WDR59: variants seen among roughly 807,000 people sequenced by gnomAD.
The protein encoded by WDR59 is WD repeat domain 59.
A neutral mutation model predicts 131.2 loss-of-function variants in WDR59; 100 were observed. That is an observed-to-expected ratio of 0.76 (90% CI 0.65 to 0.90). The LOEUF (loss-of-function observed/expected upper bound fraction) is 0.90, where lower values mean the gene tolerates loss of function less well. Ranked by LOEUF, WDR59 falls within the 40% of genes least tolerant of loss-of-function variation. The probability of loss-of-function intolerance (pLI) is 0.00; values close to 1 mark genes in which losing one functional copy is unlikely to be tolerated. For synonymous variants in WDR59, 601 were observed against 466.2 expected, an observed-to-expected ratio of 1.29 and a Z score of -3.72; for missense variants, 1,203 against 1,262.2, an observed-to-expected ratio of 0.95 and a Z score of 0.71.
chr16:74,957,465 AT>A (rs1167770345), intron 2 of WDR59, among the ~76,000 whole-genome samples: 1 of 152,188 alleles, frequency 6.6e-6, no homozygotes, highest in Non-Finnish European at 1.5e-5. Context: ...CATATCACTT[AT>A]TACTAAGCCA....
intron 1 of WDR59, among the ~76,000 whole-genome samples, chr16:74,981,644 A>T (rs1417152517): frequency 0.032 from 70 of 2,160 alleles, 5 homozygotes; most frequent in African/African-American, 0.061. Flanking sequence ...ATATATATAT[A>T]TATATATATA....
chr16:74,947,345 C>T (rs1358416177), intron 6 of WDR59, among the ~76,000 whole-genome samples: 2 of 152,010 alleles, frequency 1.3e-5, no homozygotes, highest in Non-Finnish European at 2.9e-5. Flanking sequence ...CATTGCACTC[C>T]AGCCTGGGCA....
At chr16:74,977,614 G>C (rs1023110142) in intron 1 of WDR59, among the ~76,000 whole-genome samples, 2 of 152,122 alleles carry the variant, frequency 1.3e-5, no homozygotes, top group African/African-American at 4.8e-5. Flanking sequence ...CGTGAACCCG[G>C]GAGGCGGAGC....
At chr16:74,945,661 C>T (rs2032574050) in intron 6 of WDR59, among the ~76,000 whole-genome samples, 2 of 151,908 alleles carry the variant, frequency 1.3e-5, no homozygotes, top group South Asian at 2.1e-4. Context: ...CTGTTAAGCA[C>T]TTAGCGCAGA....
intron 1 of WDR59, among the ~76,000 whole-genome samples, chr16:74,970,304 T>A (rs1002275576): frequency 6.6e-6 from 1 of 152,126 alleles, no homozygotes; most frequent in Middle Eastern, 3.4e-3. Flanking sequence ...CCTTGTAGTA[T>A]AATTTAAAGG....
intron 1 of WDR59, among the ~76,000 whole-genome samples, chr16:74,978,371 C>T (rs992502687): frequency 9.4e-5 from 14 of 149,358 alleles, no homozygotes; most frequent in Admixed American, 4.0e-4. Flanking sequence ...ATATGCCTGT[C>T]GACTCAGTTA....
chr16:74,909,735 A>C, intron 15 of WDR59, 78 bp from the exon 16 acceptor site: 1 of 1,564,736 alleles, frequency 6.4e-7, no homozygotes, highest in Non-Finnish European at 8.6e-7. Context: ...CCAGTATGAC[A>C]AAACCAGAAA....
chr16:74,939,223 G>A (rs1166419502), intron 7 of WDR59, among the ~76,000 whole-genome samples: 2 of 152,072 alleles, frequency 1.3e-5, no homozygotes, highest in Non-Finnish European at 2.9e-5. Context: ...TTACAGGTTT[G>A]AGCCACTTTT....
intron 2 of WDR59, among the ~76,000 whole-genome samples, chr16:74,963,900 CAAAA>C (rs2033663343): frequency 2.0e-5 from 3 of 148,340 alleles, no homozygotes; most frequent in Admixed American, 6.8e-5. Context: ...GACCCTGTCT[CAAAA>C]GAAAGAAAGA....
chr16:74,935,387 T>A (rs1037447360), intron 8 of WDR59, among the ~76,000 whole-genome samples: 10 of 152,298 alleles, frequency 6.6e-5, no homozygotes, highest in Admixed American at 5.9e-4. Flanking sequence ...GTAGTTAATG[T>A]TCTATTTCTA....
At chr16:74,964,505 G>A (rs1275735934) in intron 2 of WDR59, among the ~76,000 whole-genome samples, 2 of 152,040 alleles carry the variant, frequency 1.3e-5, no homozygotes, top group South Asian at 2.1e-4. Flanking sequence ...GTCAGAGGTA[G>A]GAAGGAAATT....
intron 1 of WDR59, among the ~76,000 whole-genome samples, chr16:74,975,005 T>C (rs188360249): frequency 3.9e-4 from 60 of 152,316 alleles, no homozygotes; most frequent in Middle Eastern, 3.4e-3. Flanking sequence ...TATAAGTCAC[T>C]GAGCCTGGCA....
chr16:74,907,604 G>C (rs1357055190), intron 17 of WDR59, among the ~76,000 whole-genome samples: 1 of 152,198 alleles, frequency 6.6e-6, no homozygotes. Flanking sequence ...AATTCTTGCA[G>C]TGTGAGAACG....
intron 6 of WDR59, among the ~76,000 whole-genome samples, chr16:74,945,184 C>T (rs867630584): frequency 2.6e-5 from 4 of 151,788 alleles, no homozygotes; most frequent in Admixed American, 2.0e-4. Context: ...AACTTAGAAA[C>T]CTATAAATGT....
intron 18 of WDR59, among the ~76,000 whole-genome samples, chr16:74,894,417 G>A (rs1363546978): frequency 6.6e-6 from 1 of 152,158 alleles, no homozygotes; most frequent in African/African-American, 2.4e-5. Flanking sequence ...TAACAGACAT[G>A]GAAGATTGTG....
intron 17 of WDR59, among the ~76,000 whole-genome samples, chr16:74,907,571 T>C (rs1455179972): frequency 6.6e-6 from 1 of 152,228 alleles, no homozygotes; most frequent in Non-Finnish European, 1.5e-5. Context: ...CCTCTTTTCT[T>C]TATAAATTAC....
At chr16:74,930,369 A>G (rs2031271466) in intron 8 of WDR59, among the ~76,000 whole-genome samples, 1 of 152,188 alleles carries the variant, frequency 6.6e-6, no homozygotes, top group Non-Finnish European at 1.5e-5. Context: ...GGAAACAGTA[A>G]AACGAAAAAC....
At chr16:74,940,514 T>C (rs1373575397) in intron 7 of WDR59, among the ~76,000 whole-genome samples, 2 of 152,182 alleles carry the variant, frequency 1.3e-5, no homozygotes, top group African/African-American at 4.8e-5. Flanking sequence ...CAGTAAATGT[T>C]AATATGATAG....
chr16:74,897,822 T>C (rs1294289297), intron 18 of WDR59, among the ~76,000 whole-genome samples: 1 of 152,208 alleles, frequency 6.6e-6, no homozygotes, highest in East Asian at 1.9e-4. Context: ...TTTTTTATAA[T>C]GTGTTGGTTA....
Sources: gnomAD v4.1 joint callset for allele counts (sites outside exome capture counted in the v4.1 genomes callset) on GRCh38, gnomAD v4.1.1 for gene constraint, MANE v1.5 for transcripts, NCBI Gene and HGNC (gene_info 2026-07-23, HGNC 2026-07-21) for gene names.